The following MRM1 variants were observed in gnomAD, a reference collection of about 807,000 sequenced individuals.
The protein encoded by MRM1 is rRNA methyltransferase 1, mitochondrial.
A neutral mutation model predicts 25.0 loss-of-function variants in MRM1; 24 were observed. The ratio of observed to expected loss-of-function variants is 0.96; its 90% CI spans 0.69 to 1.35. MRM1 has a LOEUF of 1.35. Ranked by LOEUF, MRM1 falls within the 40% of genes most tolerant of loss-of-function variation. The pLI, the probability that MRM1 is intolerant of heterozygous loss-of-function variation, is 0.00. For synonymous variants in MRM1, 188 were observed against 199.2 expected, an observed-to-expected ratio of 0.94 and a Z score of 0.47; for missense variants, 431 against 464.1, an observed-to-expected ratio of 0.93 and a Z score of 0.65.
rs750375811 is a variant in MRM1, at chr17:36,607,923, A to G, written c.794A>G (p.Gln265Arg). 1.2e-6 allele frequency: 2 copies of G among 1,614,092 alleles called. No individual in the cohort carries two copies. The highest frequency in any genetic ancestry group is 1.3e-5 in the African/African-American group (1 of 75,048). Reference sequence around the variant, plus strand: ...GGGAATGAGGGCTCAGGTCTATCCCAGGAGGTGCAGGCCTCCTGCCAGCTT... The same window carrying G: ...GGGAATGAGGGCTCAGGTCTATCCCGGGAGGTGCAGGCCTCCTGCCAGCTT... ...VLGNEGSGLS[Q>R]EVQASCQLLL... The change falls in exon 4 of 5, where the codon CAG becomes CGG. Residue 265 changes from glutamine to arginine, a missense_variant. Gln to Arg is a conservative substitution (Grantham distance 43, BLOSUM62 1). Coordinates refer to ENST00000614766, the MANE Select transcript of MRM1 (RefSeq NM_024864.5).
In MRM1 at chr17:36,607,677, C is replaced by T. The variant is rs1441627726; in HGVS notation, c.644C>T (p.Ala215Val). 1.2e-6 allele frequency: 2 copies of T among 1,613,006 alleles called. No homozygotes were observed. Among genetic ancestry groups the T allele is most frequent in the African/African-American group, 1.3e-5 (1 of 74,870 alleles). Reference sequence around the variant, plus strand: ...TCTTCTTCCCCCTTTCAGACCAAAGCCCAGCAGGGCTGGCTCGTGGCCGGC... The same window carrying T: ...TCTTCTTCCCCCTTTCAGACCAAAGTCCAGCAGGGCTGGCTCGTGGCCGGC... ...DDLTGFLQTK[A>V]QQGWLVAGTV... The change falls in exon 3 of 5, where the codon GCC becomes GTC. Residue 215 changes from alanine to valine, a missense_variant. Coordinates refer to ENST00000614766, the MANE Select transcript of MRM1 (RefSeq NM_024864.5).
At chr17:36,623,988 T>C in the MRM1 span, among the ~76,000 whole-genome samples, 73 of 152,336 alleles carry the variant, frequency 4.8e-4, no homozygotes, top group Non-Finnish European at 9.1e-4. Flanking sequence ...AGGATTCTGC[T>C]AATCTTCCTC....
chr17:36,623,971 C>T, the MRM1 span, among the ~76,000 whole-genome samples: 5 of 152,200 alleles, frequency 3.3e-5, no homozygotes, highest in African/African-American at 7.2e-5. Context: ...CGTCCCTCTC[C>T]CCTCCCAGGA....
the MRM1 span, among the ~76,000 whole-genome samples, chr17:36,624,588 G>C: frequency 6.6e-6 from 1 of 152,192 alleles, no homozygotes; most frequent in African/African-American, 2.4e-5. The surrounding 1 kb of genome is among the most constrained non-coding windows in gnomAD (Gnocchi z 4.0). Context: ...TGTCTGCTGT[G>C]ACTGGTGGAG....
the MRM1 span, among the ~76,000 whole-genome samples, chr17:36,618,866 CA>C: frequency 6.6e-6 from 1 of 152,170 alleles, no homozygotes; most frequent in Non-Finnish European, 1.5e-5. Context: ...TGCCCCAGGC[CA>C]TGTGACAGAG....
At chr17:36,626,771 A>G in the MRM1 span, among the ~76,000 whole-genome samples, 1 of 152,208 alleles carries the variant, frequency 6.6e-6, no homozygotes, top group Non-Finnish European at 1.5e-5. Flanking sequence ...GCTTAGAGCA[A>G]ATTTGCTGAG....
intron 2 of MRM1, among the ~76,000 whole-genome samples, chr17:36,607,302 C>T (rs2074938615): frequency 6.6e-6 from 1 of 152,174 alleles, no homozygotes; most frequent in South Asian, 2.1e-4. Flanking sequence ...CCACTGCATA[C>T]AGCCTCTGAT....
At position 36,602,216 on chromosome 17, in the gene MRM1, G is replaced by T. The variant is rs765158355; in HGVS notation, c.406G>T (p.Glu136Ter). ...GCCCCGGCCTTGGAGAGAGGCCGGG[G>T]AGGCGAGCCCAGGCGACGACCCCCA... ...LRPRPWREAG[E>*]ASPGDDPQQL... The change falls in exon 1 of 5, where the codon GAG (glutamate) becomes TAG (stop). Residue 136 changes from glutamate to a stop codon, truncating the protein, a stop_gained. Transcript: ENST00000614766. LOFTEE classifies it high-confidence loss of function. This position sits in a 1 kb window ranked among gnomAD's most constrained non-coding sequence, Gnocchi z 4.1. 1.2e-6 allele frequency: 2 copies of T among 1,610,628 alleles called. No individual in the cohort carries two copies. The highest frequency in any genetic ancestry group is 2.2e-5 in the South Asian group (2 of 91,024).
intron 2 of MRM1, chr17:36,603,170 C>A: frequency 1.0e-6 from 1 of 984,352 alleles, no homozygotes; most frequent in Non-Finnish European, 1.2e-6. Context: ...TGACCATACC[C>A]CCCCCAACCC....
chr17:36,626,082 G>A, the MRM1 span, among the ~76,000 whole-genome samples: 1 of 151,850 alleles, frequency 6.6e-6, no homozygotes, highest in Admixed American at 6.6e-5. Context: ...CAGACACTGC[G>A]GGCACAAGCA....
At chr17:36,627,093 C>A in the MRM1 span, among the ~76,000 whole-genome samples, 4 of 152,220 alleles carry the variant, frequency 2.6e-5, no homozygotes, top group Non-Finnish European at 5.9e-5. Context: ...CCCGCAGAGA[C>A]CCCTGTGCTC....
Position 36,608,467 on chromosome 17 carries a change from C to G in MRM1, c.*52C>G, listed in dbSNP as rs773294750. 1 of 1,365,562 alleles carries G rather than the reference C, an allele frequency of 7.3e-7. No homozygotes were observed. The highest frequency in any genetic ancestry group is 2.6e-5 in the East Asian group (1 of 38,438). 84.6% of individuals were successfully genotyped at this position (1,365,562 alleles called of 1,614,324 possible). On this transcript the variant is annotated 3_prime_UTR_variant, in exon 5 of 5. Coordinates refer to ENST00000614766, the MANE Select transcript of MRM1 (RefSeq NM_024864.5). ...CTGGAGTCAGGGACGGCCGCACCTG[C>G]CTCCGCCGGCTCCAGTGTGCGGGGA...
downstream of MRM1, among the ~76,000 whole-genome samples, chr17:36,611,700 C>T (rs1220671293): frequency 6.6e-6 from 1 of 152,200 alleles, no homozygotes; most frequent in African/African-American, 2.4e-5. Flanking sequence ...AGTCTGACCT[C>T]TCCCAAGTCA....
At chr17:36,603,163 C>G (rs1308794978) in intron 2 of MRM1, 1 of 984,808 alleles carries the variant, frequency 1.0e-6, no homozygotes, top group Admixed American at 6.2e-5. Context: ...TCCCCTCTGA[C>G]CATACCCCCC....
intron 4 of MRM1, 97 bp from the exon 5 acceptor site, chr17:36,608,146 A>G: frequency 6.6e-7 from 1 of 1,522,838 alleles, no homozygotes; most frequent in Non-Finnish European, 8.9e-7. Flanking sequence ...GGGAAATTAC[A>G]TCCCGTTGAT....
the MRM1 span, among the ~76,000 whole-genome samples, chr17:36,618,572 G>C: frequency 6.6e-6 from 1 of 152,134 alleles, no homozygotes; most frequent in Non-Finnish European, 1.5e-5. Flanking sequence ...AGCGTGGCTG[G>C]AGAGAGGTAA....
the MRM1 span, among the ~76,000 whole-genome samples, chr17:36,632,816 G>A: frequency 2.0e-5 from 3 of 152,290 alleles, no homozygotes; most frequent in African/African-American, 7.2e-5. Flanking sequence ...GCATTAACCC[G>A]AGTTTCTCAG....
At position 36,601,806 on chromosome 17, in the gene MRM1, G is replaced by A; in HGVS notation, c.-5G>A. The A allele has an allele frequency of 6.5e-7, 1 of 1,532,722 alleles. No homozygotes were observed. Among genetic ancestry groups the A allele is most frequent in the South Asian group, 1.2e-5 (1 of 81,822 alleles). 94.9% of individuals were successfully genotyped at this position (1,532,722 alleles called of 1,614,324 possible). A position where few individuals can be genotyped will look rare whatever the true frequency, so the allele number is the denominator to read the frequency against. Reference sequence around the variant, plus strand: ...GGGCATCGAGTCCCTGGCGGGAGCTGCGCCATGGCATTGCTCTCGACCGTC... The same window carrying A: ...GGGCATCGAGTCCCTGGCGGGAGCTACGCCATGGCATTGCTCTCGACCGTC... On this transcript the variant is annotated 5_prime_UTR_variant, in exon 1 of 5. Coordinates refer to ENST00000614766, the MANE Select transcript of MRM1 (RefSeq NM_024864.5).
chr17:36,625,663 T>C, the MRM1 span, among the ~76,000 whole-genome samples: 1 of 151,908 alleles, frequency 6.6e-6, no homozygotes, highest in South Asian at 2.1e-4. Flanking sequence ...GGTTTCGCCA[T>C]GTGGGTCAGG....
Sources: allele counts gnomAD v4.1 joint callset (sites outside exome capture counted in the v4.1 genomes callset), GRCh38; gene constraint gnomAD v4.1.1; non-coding constraint Gnocchi (gnomAD v3.1); transcripts MANE v1.5; gene names NCBI Gene and HGNC (gene_info 2026-07-23, HGNC 2026-07-21).